The following WRN variants were observed in gnomAD, a reference collection of about 807,000 sequenced individuals.
WRN encodes bifunctional 3'-5' exonuclease/ATP-dependent helicase WRN.
WRN carries 149 observed loss-of-function variants against 180.7 expected under a neutral mutation model. That is an observed-to-expected ratio of 0.82 (90% CI 0.72 to 0.94). WRN has a LOEUF of 0.94. WRN is among the 40% of genes least tolerant of loss of function. The pLI, the probability that WRN is intolerant of heterozygous loss-of-function variation, is 0.00. For synonymous variants in WRN, 548 were observed against 568.9 expected (o/e 0.96, Z 0.52); for missense variants, 1,661 against 1,700.1 (o/e 0.98, Z 0.40).
rs1563397653 is a variant in WRN at position 31,174,821 on chromosome 8, C to CT, written c.*1720dup. Among the ~76,000 whole-genome samples the CT allele has an allele frequency of 9.5e-3, 501 of 52,818 alleles. 2 individuals carry two copies. The highest frequency in any genetic ancestry group is 0.021 in the African/African-American group (359 of 17,010). The allele number at this position is 52,818 out of a possible 152,430, so 34.7% of individuals were successfully genotyped here. ...CCTTCCTTCCTTCCTTCCTTCCTTC[C>CT]TCCCTCCCTCCCTCCCTCCCTCCCT... On this transcript the variant is annotated 3_prime_UTR_variant, in exon 35 of 35. Transcript: ENST00000298139.
intron 28 of WRN, among the ~76,000 whole-genome samples, chr8:31,146,813 A>G (rs977471273): frequency 2.6e-5 from 4 of 152,214 alleles, no homozygotes; most frequent in African/African-American, 9.6e-5. Flanking sequence ...TCTTTTTAAA[A>G]CACCAATTTT....
intron 6 of WRN, 77 bp from the exon 7 acceptor site, chr8:31,068,181 T>G: frequency 9.0e-7 from 1 of 1,110,996 alleles, no homozygotes; most frequent in Non-Finnish European, 1.3e-6. Context: ...TTCTCTTCGA[T>G]TTTTCTGAAG....
At chr8:31,114,731 A>G (rs1801445375) in intron 19 of WRN, among the ~76,000 whole-genome samples, 1 of 152,084 alleles carries the variant, frequency 6.6e-6, no homozygotes, top group Admixed American at 6.5e-5. Flanking sequence ...AAATAGTTGC[A>G]TACTATATCC....
At chr8:31,067,847 T>G (rs11574206) in intron 6 of WRN, among the ~76,000 whole-genome samples, 57 of 152,336 alleles carry the variant, frequency 3.7e-4, no homozygotes, top group African/African-American at 1.2e-3. Context: ...GAAACTCCTT[T>G]GAATTGTAAC....
At chr8:31,081,609 A>G (rs1375874943) in intron 9 of WRN, among the ~76,000 whole-genome samples, 1 of 152,182 alleles carries the variant, frequency 6.6e-6, no homozygotes, top group Non-Finnish European at 1.5e-5. Flanking sequence ...ATCAACAGAC[A>G]TTTGTAGGAG....
At chr8:31,154,794 T>C in intron 32 of WRN, 39 bp downstream of exon 32, 2 of 1,611,236 alleles carry the variant, frequency 1.2e-6, no homozygotes, top group Non-Finnish European at 1.7e-6. Flanking sequence ...TTTTTTTAGT[T>C]TACTTAAACT....
In WRN at chr8:31,140,652, A is replaced by T. The variant is rs147800011; in HGVS notation, c.2968-778A>T. ...GATTAAGTAAACTTTGCAGTGTATC[A>T]TGTGCAAAAGCACAGTAAAAACAAA... On this transcript the variant is annotated intron_variant, in intron 24 of 34. Transcript: ENST00000298139. 2.3e-3 allele frequency among the ~76,000 whole-genome samples: 351 copies of T among 152,344 alleles called. 2 individuals are homozygous for T. Among genetic ancestry groups the T allele is most frequent in the South Asian group, 4.6e-3 (22 of 4,828 alleles).
intron 18 of WRN, among the ~76,000 whole-genome samples, chr8:31,101,416 A>C (rs924843498): frequency 6.6e-6 from 1 of 152,180 alleles, no homozygotes; most frequent in African/African-American, 2.4e-5. Flanking sequence ...TTGAAAACCT[A>C]AAGTTTGAAC....
chr8:31,153,415 G>A (rs1432640191), intron 31 of WRN, among the ~76,000 whole-genome samples: 3 of 152,068 alleles, frequency 2.0e-5, no homozygotes, highest in African/African-American at 7.2e-5. Flanking sequence ...TTGTCTTGGT[G>A]GGATTTCTAT....
intron 7 of WRN, among the ~76,000 whole-genome samples, chr8:31,074,845 G>A (rs993543673): frequency 2.0e-5 from 3 of 152,244 alleles, no homozygotes; most frequent in South Asian, 4.2e-4. Flanking sequence ...ATGTTGATAG[G>A]TAAGGAAAAG....
chr8:31,102,394 A>G (rs1373183528), intron 18 of WRN, among the ~76,000 whole-genome samples: 2 of 152,240 alleles, frequency 1.3e-5, no homozygotes, highest in Non-Finnish European at 2.9e-5. Context: ...CAACAGGGAT[A>G]TGTTCTGAGA....
chr8:31,085,192 C>T lies in WRN; in HGVS notation c.1377C>T (p.Asn459=), dbSNP rs746238163. The change falls in exon 11 of 35, where the codon AAC becomes AAT. Residue 459 remains asparagine (N), a synonymous_variant. Transcript: ENST00000298139. ...LKHLSPNDNE[N]DTSYVIESDE... Reference sequence around the variant, plus strand: ...ATTTATCTCCCAATGATAATGAAAACGATACGTCCTATGTAATTGAGAGTG... The same window carrying T: ...ATTTATCTCCCAATGATAATGAAAATGATACGTCCTATGTAATTGAGAGTG... The T allele has an allele frequency of 5.0e-6, 8 of 1,612,262 alleles. No individual in the cohort carries two copies. The highest frequency in any genetic ancestry group is 1.3e-5 in the African/African-American group (1 of 74,690).
At chr8:31,091,718 G>T (rs1563345405) in intron 15 of WRN, 112 bp from the exon 16 acceptor site, 3 of 1,105,986 alleles carry the variant, frequency 2.7e-6, no homozygotes, top group East Asian at 2.7e-5. Flanking sequence ...AAAGAAAATT[G>T]CAAAGAACAG....
chr8:31,035,319 T>C (rs574283548), intron 1 of WRN, among the ~76,000 whole-genome samples: 1 of 152,140 alleles, frequency 6.6e-6, no homozygotes, highest in African/African-American at 2.4e-5. Context: ...GCTGCAGTTT[T>C]ACAATAAGTG....
At chr8:31,054,393 AT>A (rs199771566) in intron 1 of WRN, among the ~76,000 whole-genome samples, 1 of 150,898 alleles carries the variant, frequency 6.6e-6, no homozygotes, top group Admixed American at 6.6e-5. Context: ...ATAAAAAACA[AT>A]TTTTTTTTGG....
At chr8:31,120,514 C>G in intron 21 of WRN, 90 bp downstream of exon 21, 1 of 1,306,560 alleles carries the variant, frequency 7.7e-7, no homozygotes. Context: ...TTCCAGTATC[C>G]CAAGTAATTT....
intron 32 of WRN, 49 bp from the exon 33 acceptor site, chr8:31,157,319 G>T: frequency 1.2e-6 from 2 of 1,609,660 alleles, no homozygotes; most frequent in South Asian, 1.1e-5. Flanking sequence ...TCCATGACTG[G>T]AGTGGACACT....
chr8:31,120,551 A>G, intron 21 of WRN, 127 bp downstream of exon 21: 1 of 995,894 alleles, frequency 1.0e-6, no homozygotes, highest in South Asian at 1.7e-5. Flanking sequence ...TAAAAAAAAA[A>G]AAAAAGAAAA....
chr8:31,069,909 C>A (rs563788366), intron 7 of WRN, among the ~76,000 whole-genome samples: 1 of 152,114 alleles, frequency 6.6e-6, no homozygotes, highest in Admixed American at 6.5e-5. Flanking sequence ...GTTACATGTG[C>A]AATTTTGATG....
Sources: gnomAD v4.1 joint callset for allele counts (sites outside exome capture counted in the v4.1 genomes callset) on GRCh38, gnomAD v4.1.1 for gene constraint, MANE v1.5 for transcripts, NCBI Gene and HGNC (gene_info 2026-07-23, HGNC 2026-07-21) for gene names.